GLI2: variants seen among roughly 807,000 people sequenced by gnomAD.
The protein encoded by GLI2 is GLI family zinc finger 2, also known as transcription activator GLI2.
Under a neutral mutation model 78.9 loss-of-function variants are expected in GLI2, and 22 were observed. That is an observed-to-expected ratio of 0.28 (90% CI 0.20 to 0.40). The LOEUF is 0.40. Among genes scored for constraint, GLI2 ranks in the 10% least tolerant of loss-of-function variants. The pLI is 1.00. For synonymous variants in GLI2, 974 were observed against 963.7 expected (o/e 1.01, Z -0.20); for missense variants, 2,097 against 2,213.2 (o/e 0.95, Z 1.05).
At chr2:120,909,552 G>A (rs554100605) in intron 2 of GLI2, among the ~76,000 whole-genome samples, 198 of 152,274 alleles carry the variant, frequency 1.3e-3, no homozygotes, top group African/African-American at 4.6e-3. Flanking sequence ...TGGTTAGATC[G>A]TGCACACCCC....
intron 2 of GLI2, 84 bp from the exon 3 acceptor site, chr2:120,927,277 A>G: frequency 1.0e-6 from 1 of 988,436 alleles, no homozygotes. Flanking sequence ...TATGAAATTC[A>G]TTGAGCTTTA....
chr2:120,929,218 A>G (rs190103708), intron 3 of GLI2, among the ~76,000 whole-genome samples: 163 of 152,310 alleles, frequency 1.1e-3, no homozygotes, highest in Admixed American at 3.2e-3. Flanking sequence ...TCCTGTCAGG[A>G]GGCCTATGAT....
intron 2 of GLI2, among the ~76,000 whole-genome samples, chr2:120,829,318 A>T (rs1686244141): frequency 6.6e-6 from 1 of 152,206 alleles, no homozygotes; most frequent in Admixed American, 6.5e-5. Context: ...TCATTTACAG[A>T]GTGGGCGCAT....
intron 1 of GLI2, among the ~76,000 whole-genome samples, chr2:120,765,854 C>T (rs762427546): frequency 2.6e-5 from 4 of 152,208 alleles, no homozygotes; most frequent in Admixed American, 2.0e-4. Context: ...CCTTTTGGCA[C>T]GCGCTAAGGC....
intron 1 of GLI2, among the ~76,000 whole-genome samples, chr2:120,739,388 C>G (rs1266679224): frequency 6.6e-6 from 1 of 152,180 alleles, no homozygotes; most frequent in Non-Finnish European, 1.5e-5. Context: ...GTGTGACCCC[C>G]TCACACCCAG....
intron 1 of GLI2, among the ~76,000 whole-genome samples, chr2:120,778,770 G>T (rs1252793864): frequency 6.6e-6 from 1 of 152,214 alleles, no homozygotes; most frequent in African/African-American, 2.4e-5. Flanking sequence ...TGCTTGTCTT[G>T]CTCCTGAAGC....
At chr2:120,972,106 A>G in intron 8 of GLI2, 43 bp downstream of exon 8, 1 of 1,610,014 alleles carries the variant, frequency 6.2e-7, no homozygotes, top group Non-Finnish European at 8.5e-7. Flanking sequence ...AGCTAGGACC[A>G]GGCTTGTGGG....
Position 120,786,309 on chromosome 2 carries a change from C to T in GLI2, c.-30-10982C>T, listed in dbSNP as rs545976984. ...TTCTCAAGACTTTGAGACTTGGTGTCGGTTGGATCACATTGTTTGAAGAGG... is the reference window on the plus strand; with the variant it reads ...TTCTCAAGACTTTGAGACTTGGTGTTGGTTGGATCACATTGTTTGAAGAGG... On this transcript the variant is annotated intron_variant, in intron 1 of 13. Transcript: ENST00000361492. Among the ~76,000 whole-genome samples the T allele has an allele frequency of 7.2e-5, 11 of 152,252 alleles. No individual in the cohort carries two copies. The South Asian group carries it at 2.1e-3, about 29-fold the overall frequency.
At chr2:120,974,570 T>C (rs1473297377) in intron 8 of GLI2, among the ~76,000 whole-genome samples, 1 of 152,164 alleles carries the variant, frequency 6.6e-6, no homozygotes, top group East Asian at 1.9e-4. Context: ...CACTGTGTAT[T>C]CATGGGGAGG....
chr2:120,777,292 C>T (rs1389010847), intron 1 of GLI2, among the ~76,000 whole-genome samples: 1 of 151,908 alleles, frequency 6.6e-6, no homozygotes, highest in African/African-American at 2.4e-5. Context: ...GTGTGAGTTC[C>T]TGTGAGTCCA....
intron 3 of GLI2, among the ~76,000 whole-genome samples, chr2:120,950,514 G>T (rs11889219): frequency 5.3e-5 from 8 of 152,106 alleles, no homozygotes; most frequent in Non-Finnish European, 1.2e-4. Flanking sequence ...GGACATGGGG[G>T]TGGGCCCTGG....
chr2:120,761,719 T>C (rs1024878953), intron 1 of GLI2, among the ~76,000 whole-genome samples: 1 of 152,170 alleles, frequency 6.6e-6, no homozygotes, highest in African/African-American at 2.4e-5. Context: ...GCTTCCTGCC[T>C]GCCCCACGGT....
rs922491236 is a variant in GLI2, at chr2:120,837,250, C to T, written c.148+39782C>T. ...TCTACTAAAAATACAGAAAACTAGC[C>T]GGGTGTGGTGGCGGGCGCCTGTAGT... On this transcript the variant is annotated intron_variant, in intron 2 of 13. Transcript: ENST00000361492. Among the ~76,000 whole-genome samples the T allele has an allele frequency of 5.3e-5, 8 of 151,970 alleles. No individual in the cohort carries two copies. The South Asian group carries it at 6.2e-4, about 12-fold the overall frequency.
chr2:120,807,873 C>G (rs533988629), intron 2 of GLI2, among the ~76,000 whole-genome samples: 25 of 152,290 alleles, frequency 1.6e-4, no homozygotes, highest in African/African-American at 6.0e-4. Context: ...CCCGCCCCCG[C>G]CACCCTGAGC....
At position 120,805,633 on chromosome 2, in the gene GLI2, A is replaced by C. The variant is rs551166150; in HGVS notation, c.148+8165A>C. On this transcript the variant is annotated intron_variant, in intron 2 of 13. Coordinates refer to ENST00000361492, the MANE Select transcript of GLI2 (RefSeq NM_001374353.1). ...ACAAAATGCAGAGGGTTGCCTAGTG[A>C]TATTACTTGGACTGGAAACCAATTC... Among the ~76,000 whole-genome samples the C allele has an allele frequency of 2.0e-5, 3 of 152,314 alleles. No homozygotes were observed. In the South Asian group the frequency reaches 6.2e-4, roughly 32 times the overall value.
At chr2:120,923,795 C>A (rs1486286114) in intron 2 of GLI2, among the ~76,000 whole-genome samples, 1 of 152,082 alleles carries the variant, frequency 6.6e-6, no homozygotes, top group Non-Finnish European at 1.5e-5. Context: ...CATATACATA[C>A]CCCACACACG....
intron 2 of GLI2, among the ~76,000 whole-genome samples, chr2:120,865,874 G>T (rs1688106730): frequency 6.6e-6 from 1 of 152,232 alleles, no homozygotes; most frequent in African/African-American, 2.4e-5. Flanking sequence ...AGGCAGGCCA[G>T]GCTCTCTCTC....
At chr2:120,869,168 C>T (rs920033619) in intron 2 of GLI2, among the ~76,000 whole-genome samples, 2 of 152,136 alleles carry the variant, frequency 1.3e-5, no homozygotes, top group African/African-American at 4.8e-5. Context: ...AGTGGCCTGG[C>T]CCCAGTGGGG....
At chr2:120,774,919 C>T (rs1210326372) in intron 1 of GLI2, among the ~76,000 whole-genome samples, 1 of 152,172 alleles carries the variant, frequency 6.6e-6, no homozygotes, top group Admixed American at 6.5e-5. Flanking sequence ...GTGATGTGGC[C>T]CCCTGCCCAA....
Sources: gnomAD v4.1 joint callset for allele counts (sites outside exome capture counted in the v4.1 genomes callset) on GRCh38, gnomAD v4.1.1 for gene constraint, MANE v1.5 for transcripts, NCBI Gene and HGNC (gene_info 2026-07-23, HGNC 2026-07-21) for gene names.